Variants in NAT10 observed in about 807,000 individuals in gnomAD.
NAT10 encodes RNA cytidine acetyltransferase.
In NAT10, 109 loss-of-function variants were observed where a neutral mutation model predicts 132.2. The ratio of observed to expected loss-of-function variants is 0.82; its 90% confidence interval spans 0.71 to 0.97. The LOEUF (loss-of-function observed/expected upper bound fraction) is 0.97, where lower values mean the gene tolerates loss of function less well. NAT10 is among the 50% of genes least tolerant of loss of function. NAT10 has a pLI of 0.00. For missense variants in NAT10, 1,184 were observed against 1,263.4 expected, an observed-to-expected ratio of 0.94 and a Z score of 0.95; for synonymous variants, 479 against 478.0, an observed-to-expected ratio of 1.00 and a Z score of -0.03.
In NAT10 at chr11:34,139,474, A is replaced by G; in HGVS notation, c.2398A>G (p.Met800Val). The part of the protein sequence containing the change: ...LALNIIQNRN[M>V]GKPAQPALSR... ...TCTGAACATCATTCAGAACAGGAAC[A>G]TGGGGAAGCCAGCCCAGCCTGGTGA... The change falls in exon 23 of 29, where the codon ATG becomes GTG. Residue 800 changes from methionine to valine, a missense_variant. By Grantham distance (21) the Met-to-Val change is conservative. Coordinates refer to ENST00000257829, the MANE Select transcript of NAT10 (RefSeq NM_024662.3). The G allele has an allele frequency of 6.2e-7, 1 of 1,614,054 alleles. No homozygotes were observed. The highest frequency in any genetic ancestry group is 1.7e-5 in the Admixed American group (1 of 60,016).
chr11:34,139,647 GCT>G (rs1197916219), intron 23 of NAT10, 152 bp downstream of exon 23: 1 of 658,360 alleles, frequency 1.5e-6, no homozygotes, highest in Non-Finnish European at 2.7e-6. Flanking sequence ...CCAGGCCCCT[GCT>G]CTGTCCCAGG....
At chr11:34,112,014 T>C in intron 3 of NAT10, 38 bp from the exon 4 acceptor site, 2 of 1,610,906 alleles carry the variant, frequency 1.2e-6, no homozygotes. Flanking sequence ...CTGCTCTGGT[T>C]AACTGGCTCT....
At chr11:34,112,799 G>T (rs1851717918) in intron 4 of NAT10, among the ~76,000 whole-genome samples, 1 of 152,206 alleles carries the variant, frequency 6.6e-6, no homozygotes, top group Non-Finnish European at 1.5e-5. Flanking sequence ...GTGTGTGTGT[G>T]TGCATGTGTG....
chr11:34,119,898 G>A (rs1169210268), intron 8 of NAT10, among the ~76,000 whole-genome samples: 2 of 152,214 alleles, frequency 1.3e-5, no homozygotes, highest in Non-Finnish European at 2.9e-5. Flanking sequence ...GTTGCTGGAT[G>A]AGAGGTTGTG....
rs145000238 is a variant in NAT10 at position 34,136,345 on chromosome 11, G to A, written c.2029-297G>A. Among the ~76,000 whole-genome samples the A allele has an allele frequency of 5.6e-3, 855 of 152,282 alleles. 6 individuals are homozygous for A. Among genetic ancestry groups the A allele is most frequent in the African/African-American group, 0.019 (802 of 41,550 alleles). On this transcript the variant is annotated intron_variant, in intron 19 of 28. Coordinates refer to ENST00000257829, the MANE Select transcript of NAT10 (RefSeq NM_024662.3). ...GATCCACCCGCCTCAGTCTCCCAAAGTGCTGGGATTACAGGCATGAGCCAC... is the reference window on the plus strand; with the variant it reads ...GATCCACCCGCCTCAGTCTCCCAAAATGCTGGGATTACAGGCATGAGCCAC...
At chr11:34,106,487 T>G (rs1370344381) in intron 1 of NAT10, among the ~76,000 whole-genome samples, 3 of 152,104 alleles carry the variant, frequency 2.0e-5, no homozygotes, top group Non-Finnish European at 4.4e-5. Flanking sequence ...CTTAAATACC[T>G]TCTTCAAGAA....
Position 34,131,371 on chromosome 11 carries a change from T to G in NAT10, c.1370-10T>G. The G allele has an allele frequency of 6.3e-7, 1 of 1,598,718 alleles. No homozygotes were observed. Among genetic ancestry groups the G allele is most frequent in the Non-Finnish European group, 8.5e-7 (1 of 1,172,322 alleles). On this transcript the variant is annotated splice_polypyrimidine_tract_variant and intron_variant, in intron 13 of 28. Transcript: ENST00000257829. ...GTTTCTTCTTTTGTGTGTGTGATTGTGGGGAGCAGCGCGGACACTGTATGA... is the reference window on the plus strand; with the variant it reads ...GTTTCTTCTTTTGTGTGTGTGATTGGGGGGAGCAGCGCGGACACTGTATGA...
At chr11:34,127,317 C>T in intron 11 of NAT10, 146 bp from the exon 12 acceptor site, 1 of 949,826 alleles carries the variant, frequency 1.1e-6, no homozygotes. Context: ...TTTTGCCCTG[C>T]CAGGAAAAAG....
intron 28 of NAT10, among the ~76,000 whole-genome samples, chr11:34,144,877 C>G (rs145287375): frequency 6.9e-4 from 105 of 152,308 alleles, no homozygotes; most frequent in Admixed American, 1.6e-3. Context: ...TGGAAACATT[C>G]GGGAAGAGGA....
rs200246117 is a variant in NAT10, at chr11:34,115,509, A to G, written c.496-314A>G. ...TCCATTATACTCCAAGTGCCATGAG[A>G]ACAGAGGTCATGCTTTGTTCATTAG... is the stretch of plus-strand genomic sequence containing the variant. On this transcript the variant is annotated intron_variant, in intron 5 of 28. Transcript: ENST00000257829. Among the ~76,000 whole-genome samples the G allele has an allele frequency of 1.6e-4, 25 of 152,374 alleles. 1 individual carries two copies. The East Asian group carries it at 4.4e-3, about 27-fold the overall frequency.
At chr11:34,119,088 C>T (rs1851838913) in intron 8 of NAT10, among the ~76,000 whole-genome samples, 1 of 152,198 alleles carries the variant, frequency 6.6e-6, no homozygotes, top group Non-Finnish European at 1.5e-5. Context: ...AGTGCGAGGC[C>T]TGATGAGGGC....
At chr11:34,133,881 C>A (rs916308059) in intron 16 of NAT10, among the ~76,000 whole-genome samples, 2 of 151,728 alleles carry the variant, frequency 1.3e-5, no homozygotes, top group South Asian at 4.2e-4. Flanking sequence ...GGCCAGGCGC[C>A]ATGGCTCACG....
At chr11:34,120,302 T>C (rs1046112347) in intron 8 of NAT10, among the ~76,000 whole-genome samples, 8 of 152,192 alleles carry the variant, frequency 5.3e-5, no homozygotes, top group Admixed American at 3.9e-4. Flanking sequence ...TCAGAGTTTA[T>C]AACTTCTATA....
chr11:34,137,889 G>C (rs1410823376), intron 21 of NAT10, among the ~76,000 whole-genome samples: 1 of 152,188 alleles, frequency 6.6e-6, no homozygotes, highest in East Asian at 1.9e-4. Flanking sequence ...AGGAGGATGA[G>C]GACAGCTGGC....
In NAT10 at chr11:34,141,340, C is replaced by CAG. The variant is rs960371136; in HGVS notation, c.2712+133_2712+134insGA. ...ATCTCGTCACACACACACACACACA[C>CAG]ACACACAAATCCAGGACTTCAGAAC... is the stretch of plus-strand genomic sequence containing the variant. On this transcript the variant is annotated intron_variant, in intron 25 of 28. Transcript: ENST00000257829. The CAG allele has an allele frequency of 7.1e-5, 91 of 1,285,566 alleles. No homozygotes were observed. The East Asian group carries it at 9.2e-4, about 13-fold the overall frequency. 79.6% of individuals were successfully genotyped at this position (1,285,566 alleles called of 1,614,324 possible).
chr11:34,130,710 C>T (rs1018051781), intron 12 of NAT10, 103 bp from the exon 13 acceptor site: 24 of 1,404,234 alleles, frequency 1.7e-5, no homozygotes, highest in Admixed American at 1.5e-4. Context: ...CTGGGGGAAG[C>T]AGGGGTCTGG....
chr11:34,114,227 C>T (rs542706660), intron 5 of NAT10, among the ~76,000 whole-genome samples: 26 of 152,276 alleles, frequency 1.7e-4, no homozygotes, highest in South Asian at 6.2e-4. Flanking sequence ...TAATGGATGA[C>T]GAAGGAACAT....
intron 12 of NAT10, 24 bp downstream of exon 12, chr11:34,127,623 C>A (rs201184652): frequency 1.9e-6 from 3 of 1,587,588 alleles, no homozygotes; most frequent in Non-Finnish European, 2.6e-6. Context: ...GGCAGGAGTC[C>A]TTACTCCCGT....
At chr11:34,107,032 T>TA (rs1851607658) in intron 1 of NAT10, 1 of 360 alleles carries the variant, frequency 2.8e-3, no homozygotes, top group South Asian at 0.1. Flanking sequence ...ATCACAGAAC[T>TA]TTTTTTTTTT....
Sources: allele counts gnomAD v4.1 joint callset (sites outside exome capture counted in the v4.1 genomes callset), GRCh38; gene constraint gnomAD v4.1.1; transcripts MANE v1.5; gene names NCBI Gene and HGNC (gene_info 2026-07-23, HGNC 2026-07-21).